Variants in JAKMIP3 observed in about 807,000 individuals in gnomAD.
JAKMIP3 encodes janus kinase and microtubule-interacting protein 3.
Under a neutral mutation model 118.5 loss-of-function variants are expected in JAKMIP3, and 58 were observed. That is an observed-to-expected ratio of 0.49 (90% CI 0.40 to 0.61). The LOEUF (loss-of-function observed/expected upper bound fraction) is 0.61. JAKMIP3 is among the 20% of genes least tolerant of loss of function. The pLI is 0.00. For missense variants in JAKMIP3, 950 were observed against 1,109.0 expected (o/e 0.86, Z 2.04); for synonymous variants, 486 against 451.2 (o/e 1.08, Z -0.98).
At chr10:132,176,487 C>A (rs558128881) in intron 23 of JAKMIP3, among the ~76,000 whole-genome samples, 6 of 152,306 alleles carry the variant, frequency 3.9e-5, no homozygotes, top group African/African-American at 1.4e-4. Context: ...TCTGTGGCTG[C>A]CACCCAAAAC....
At chr10:132,152,863 A>G in intron 16 of JAKMIP3, 95 bp from the exon 17 acceptor site, 3 of 969,262 alleles carry the variant, frequency 3.1e-6, no homozygotes, top group Non-Finnish European at 4.8e-6. Flanking sequence ...GTCCCCAGTC[A>G]GCCTCCCCAG....
intron 3 of JAKMIP3, 32 bp from the exon 4 acceptor site, chr10:132,133,273 TCCTGCCG>T (rs1158819869): frequency 1.1e-5 from 17 of 1,493,494 alleles, no homozygotes; most frequent in Non-Finnish European, 1.5e-5. Flanking sequence ...CAGATCCGTG[TCCTGCCG>T]CCTGTGTGAT....
intron 19 of JAKMIP3, among the ~76,000 whole-genome samples, chr10:132,157,778 G>A (rs2057272487): frequency 6.6e-6 from 1 of 151,838 alleles, no homozygotes; most frequent in African/African-American, 2.4e-5. Flanking sequence ...GCCATCCATT[G>A]CAAATATTTC....
At chr10:132,145,359 A>G (rs2054391141) in intron 12 of JAKMIP3, among the ~76,000 whole-genome samples, 159 bp from the exon 13 acceptor site, 1 of 152,208 alleles carries the variant, frequency 6.6e-6, no homozygotes, top group Non-Finnish European at 1.5e-5. Context: ...GACCACAGGC[A>G]TGTGCCACCA....
intron 1 of JAKMIP3, among the ~76,000 whole-genome samples, chr10:132,102,207 C>A (rs181234067): frequency 1.3e-3 from 192 of 152,280 alleles, no homozygotes; most frequent in African/African-American, 4.5e-3. Flanking sequence ...ACTTCTCAGG[C>A]CTTTCCCAAG....
At chr10:132,080,502 G>C (rs896025264) in intron 1 of JAKMIP3, among the ~76,000 whole-genome samples, 1 of 95,144 alleles carries the variant, frequency 1.1e-5, no homozygotes, top group African/African-American at 4.4e-5. Context: ...CAAGTTATAG[G>C]ATTTTTTTTT....
rs576978017 is a variant in JAKMIP3 at position 132,159,496 on chromosome 10, C to T, written c.2221-3713C>T. Among the ~76,000 whole-genome samples the T allele has an allele frequency of 1.7e-3, 220 of 132,216 alleles. 2 individuals carry two copies. The highest frequency in any genetic ancestry group is 2.8e-3 in the Non-Finnish European group (178 of 64,096). 86.7% of individuals were successfully genotyped at this position (132,216 alleles called of 152,430 possible). A position where few individuals can be genotyped will look rare whatever the true frequency, so the allele number is the denominator to read the frequency against. ...CCTGTGTAATGCTGGAGGAGGCTCT[C>T]CCTGTGTGATGCTGGGGGTGTGTCT... On this transcript the variant is annotated intron_variant, in intron 19 of 23. Coordinates refer to ENST00000684848, the MANE Select transcript of JAKMIP3 (RefSeq NM_001323087.2).
chr10:132,174,106 GGTGT>G (rs917317341), intron 23 of JAKMIP3, among the ~76,000 whole-genome samples: 2 of 151,726 alleles, frequency 1.3e-5, no homozygotes, highest in East Asian at 1.9e-4. Flanking sequence ...GTGTGTTTGT[GGTGT>G]GTGTGGTGTG....
At chr10:132,074,308 TC>T (rs1193252326) in intron 1 of JAKMIP3, among the ~76,000 whole-genome samples, 1 of 152,236 alleles carries the variant, frequency 6.6e-6, no homozygotes, top group Non-Finnish European at 1.5e-5. Context: ...CACCTTGGCC[TC>T]CCAAAGTGCT....
intron 12 of JAKMIP3, 117 bp downstream of exon 12, chr10:132,145,307 G>A (rs1377652594): frequency 1.2e-5 from 12 of 982,826 alleles, no homozygotes; most frequent in South Asian, 9.5e-5. Context: ...TTGACCTCCT[G>A]GGCTCAAGCC....
intron 9 of JAKMIP3, among the ~76,000 whole-genome samples, chr10:132,139,409 T>C (rs1462510163): frequency 2.2e-5 from 2 of 91,606 alleles, no homozygotes; most frequent in African/African-American, 1.1e-4. Flanking sequence ...TGAGTGTGTA[T>C]GTGTGAGTGT....
chr10:132,135,959 G>C lies in JAKMIP3; in HGVS notation c.999G>C (p.Gln333His), dbSNP rs372427816. The change falls in exon 6 of 24, where the codon CAG becomes CAC. Residue 333 changes from glutamine (Q) to histidine (H), a missense_variant. Physicochemically the swap from Gln to His is conservative, Grantham distance 24. Coordinates refer to ENST00000684848, the MANE Select transcript of JAKMIP3 (RefSeq NM_001323087.2). Reference sequence around the variant, plus strand: ...AGCGCGTAAGAGAAGCTGAGAGTCAGTACAAGCCTCTGCTGGATAAAAACA... The same window carrying C: ...AGCGCGTAAGAGAAGCTGAGAGTCACTACAAGCCTCTGCTGGATAAAAACA... ...LLKRVREAES[Q>H]YKPLLDKNKR... is the part of the protein sequence containing the mutation. 2.5e-6 allele frequency: 4 copies of C among 1,613,382 alleles called. No individual in the cohort carries two copies. The highest frequency in any genetic ancestry group is 3.4e-6 in the Non-Finnish European group (4 of 1,179,686).
At chr10:132,040,405 C>T (rs1377688040) in intron 1 of JAKMIP3, among the ~76,000 whole-genome samples, 1 of 152,166 alleles carries the variant, frequency 6.6e-6, no homozygotes. Flanking sequence ...CCCCTCGCTC[C>T]GTATCTATAC....
chr10:132,076,736 C>CCGGGTCTTA (rs1265696399), intron 1 of JAKMIP3, among the ~76,000 whole-genome samples: 28 of 149,976 alleles, frequency 1.9e-4, no homozygotes, highest in Non-Finnish European at 3.0e-4. Flanking sequence ...TGCAGTGTCC[C>CCGGGTCTTA]CTGGTCTGAC....
intron 1 of JAKMIP3, among the ~76,000 whole-genome samples, chr10:132,081,692 C>A (rs772208064): frequency 1.3e-5 from 2 of 152,044 alleles, no homozygotes; most frequent in Non-Finnish European, 2.9e-5. Context: ...CAGCACAGGT[C>A]AAGCTGCAGA....
intron 23 of JAKMIP3, among the ~76,000 whole-genome samples, chr10:132,180,014 T>C (rs1313081639): frequency 6.6e-6 from 1 of 152,070 alleles, no homozygotes; most frequent in Non-Finnish European, 1.5e-5. Flanking sequence ...GACCCAAAAT[T>C]CATGGTTTTG....
chr10:132,107,796 C>G (rs558813660), intron 2 of JAKMIP3, among the ~76,000 whole-genome samples: 17 of 152,226 alleles, frequency 1.1e-4, no homozygotes, highest in Non-Finnish European at 2.2e-4. Flanking sequence ...CAGGCTGATT[C>G]GATTCTCGGC....
chr10:132,106,160 C>T (rs1357899258), intron 2 of JAKMIP3, among the ~76,000 whole-genome samples: 2 of 143,766 alleles, frequency 1.4e-5, no homozygotes, highest in African/African-American at 5.4e-5. Context: ...CATAGGGAGA[C>T]CTCATCTCTA....
chr10:132,163,067 G>C (rs1366987773), intron 19 of JAKMIP3, 142 bp from the exon 20 acceptor site: 1 of 777,266 alleles, frequency 1.3e-6, no homozygotes, highest in Non-Finnish European at 2.0e-6. Flanking sequence ...CTTCTGCAGA[G>C]GCCACAGCAC....
Sources: gnomAD v4.1 joint callset for allele counts (sites outside exome capture counted in the v4.1 genomes callset) on GRCh38, gnomAD v4.1.1 for gene constraint, MANE v1.5 for transcripts, NCBI Gene and HGNC (gene_info 2026-07-23, HGNC 2026-07-21) for gene names.